Variants in CFHR5 observed in about 807,000 individuals in gnomAD.
CFHR5 encodes the protein complement factor H-related protein 5.
In CFHR5, 73 loss-of-function variants were observed where a neutral mutation model predicts 62.9. The observed-to-expected ratio is 1.16, with a 90% CI of 0.96 to 1.41. The LOEUF (loss-of-function observed/expected upper bound fraction) is 1.41. CFHR5 is among the 40% of genes most tolerant of loss of function. CFHR5 has a pLI of 0.00. For missense variants in CFHR5, 779 were observed against 679.9 expected, an observed-to-expected ratio of 1.15 and a Z score of -1.62; for synonymous variants, 249 against 227.2, an observed-to-expected ratio of 1.10 and a Z score of -0.86.
At chr1:197,004,450 C>T (rs573614394) in intron 8 of CFHR5, among the ~76,000 whole-genome samples, 21 of 152,098 alleles carry the variant, frequency 1.4e-4, no homozygotes, top group Middle Eastern at 3.4e-3. Context: ...CTCCTGCCTT[C>T]AATAAAAAGT....
At position 196,995,726 on chromosome 1, in the gene CFHR5, G is replaced by T. The variant is rs777505173; in HGVS notation, c.617G>T (p.Arg206Leu). The change falls in exon 5 of 10, where the codon CGA (arginine) becomes CTA (leucine). Residue 206 changes from arginine to leucine, a missense_variant. Physicochemically the swap from Arg to Leu is moderately radical, Grantham distance 102. Coordinates refer to ENST00000256785, the MANE Select transcript of CFHR5 (RefSeq NM_030787.4). ...PNFPTCKGQV[R>L]SCGPPPQLSN... ...GGTTTCTTTATAATAGGACAAGTAC[G>T]ATCATGTGGTCCACCTCCTCAACTC... 1.9e-6 allele frequency: 3 copies of T among 1,612,370 alleles called. No homozygotes were observed. The East Asian group carries it at 6.7e-5, about 36-fold the overall frequency.
intron 3 of CFHR5, among the ~76,000 whole-genome samples, 200 bp downstream of exon 3, chr1:196,984,337 A>G (rs906143619): frequency 2.6e-5 from 4 of 152,206 alleles, no homozygotes; most frequent in Admixed American, 1.3e-4. Context: ...CGTAATAAGA[A>G]GAAATATTAG....
In CFHR5 at chr1:197,009,518, A is replaced by G. The variant is rs945062453; in HGVS notation, c.*835A>G. 1.3e-5 allele frequency: 2 copies of G among 152,188 alleles called. No homozygotes were observed. Among genetic ancestry groups the G allele is most frequent in the Non-Finnish European group, 2.9e-5 (2 of 68,036 alleles). The allele number at this position is 152,188 out of a possible 1,614,324, so 9.4% of individuals were successfully genotyped here. On this transcript the variant is annotated 3_prime_UTR_variant, in exon 10 of 10. Coordinates refer to ENST00000256785, the MANE Select transcript of CFHR5 (RefSeq NM_030787.4). ...AAATGTAGATGTTATTTTAGTCTCT[A>G]TCTTCATGTTATTATCACTTAAAAA...
At chr1:196,999,393 A>G (rs926781052) in intron 7 of CFHR5, among the ~76,000 whole-genome samples, 1 of 151,688 alleles carries the variant, frequency 6.6e-6, no homozygotes, top group African/African-American at 2.4e-5. Flanking sequence ...TTGGCCAGTC[A>G]TTCTGCCCAA....
chr1:196,990,676 T>G (rs950154770), intron 3 of CFHR5, among the ~76,000 whole-genome samples: 1 of 152,204 alleles, frequency 6.6e-6, no homozygotes. Context: ...AATTCTTGTC[T>G]TTAGGAATGT....
intron 7 of CFHR5, among the ~76,000 whole-genome samples, chr1:197,001,373 G>A (rs1654148881): frequency 6.6e-6 from 1 of 151,714 alleles, no homozygotes; most frequent in African/African-American, 2.4e-5. Context: ...CTGACCTCAG[G>A]TTCTGTTCAA....
At chr1:197,000,532 T>A (rs767062618) in intron 7 of CFHR5, among the ~76,000 whole-genome samples, 1 of 152,190 alleles carries the variant, frequency 6.6e-6, no homozygotes. Context: ...CAATAGTATA[T>A]GTGTGATATT....
At chr1:197,000,141 G>T (rs1442064093) in intron 7 of CFHR5, among the ~76,000 whole-genome samples, 2 of 151,902 alleles carry the variant, frequency 1.3e-5, no homozygotes, top group African/African-American at 2.4e-5. Flanking sequence ...CAAGCATAAA[G>T]AGAAGGAAAA....
At chr1:196,983,145 G>A in intron 2 of CFHR5, 66 bp downstream of exon 2, 1 of 1,601,726 alleles carries the variant, frequency 6.2e-7, no homozygotes. Context: ...TGCCGGACAA[G>A]ATCATAAGGT....
chr1:196,995,683 C>G, intron 4 of CFHR5, 34 bp from the exon 5 acceptor site: 1 of 1,566,028 alleles, frequency 6.4e-7, no homozygotes, highest in Non-Finnish European at 8.8e-7. Flanking sequence ...CTTATAAGAC[C>G]ATTTAAGCAT....
chr1:196,979,998 T>C (rs2125025131), intron 1 of CFHR5, among the ~76,000 whole-genome samples: 1 of 152,150 alleles, frequency 6.6e-6, no homozygotes, highest in South Asian at 2.1e-4. Flanking sequence ...TTCTGTAAGA[T>C]TTTTATCTTT....
chr1:196,976,920 T>G (rs146690273), upstream of CFHR5, among the ~76,000 whole-genome samples: 17,913 of 148,380 alleles, frequency 0.12, 1,331 homozygotes, highest in Middle Eastern at 0.19. Context: ...TTCTCCTGCC[T>G]CAGCCTCCCG....
chr1:196,975,523 T>C (rs527385602), upstream of CFHR5, among the ~76,000 whole-genome samples: 1 of 152,242 alleles, frequency 6.6e-6, no homozygotes, highest in Admixed American at 6.5e-5. Flanking sequence ...CATAACAAGA[T>C]AGGAGTAAAG....
Position 197,008,752 on chromosome 1 carries a change from C to A in CFHR5, c.*69C>A. 1 of 1,251,974 alleles carries A rather than the reference C, an allele frequency of 8.0e-7. No homozygotes were observed. Among genetic ancestry groups the A allele is most frequent in the Non-Finnish European group, 1.2e-6 (1 of 853,242 alleles). 77.6% of individuals were successfully genotyped at this position (1,251,974 alleles called of 1,614,324 possible). A position where few individuals can be genotyped will look rare whatever the true frequency, so the allele number is the denominator to read the frequency against. ...ATGCTAAAAGTAGCCATTATGTAGC[C>A]AATTCTGTAGTTACTTCTTTTATTC... On this transcript the variant is annotated 3_prime_UTR_variant, in exon 10 of 10. Transcript: ENST00000256785.
In CFHR5 at chr1:196,982,945, A is replaced by G. The variant is rs1423889185; in HGVS notation, c.119A>G (p.Asn40Ser). Residue 40 changes from asparagine (N) to serine (S), a missense_variant, in exon 2 of 10, where the codon AAC (asparagine) becomes AGC (serine). Asn to Ser is a conservative substitution (Grantham distance 46). Transcript: ENST00000256785. ...TTTCTGTATGATGAAGAAGATTATA[A>G]CCCTTTTTCCCAAGTTCCTACAGGG... is the stretch of plus-strand genomic sequence containing the variant. ...HGFLYDEEDY[N>S]PFSQVPTGEV... 3 of 1,614,092 alleles carry G rather than the reference A, an allele frequency of 1.9e-6. No individual in the cohort carries two copies. In the Admixed American group the frequency reaches 5.0e-5, roughly 27 times the overall value.
chr1:196,989,327 G>C (rs892320799), intron 3 of CFHR5, among the ~76,000 whole-genome samples: 10 of 151,992 alleles, frequency 6.6e-5, no homozygotes, highest in African/African-American at 2.4e-4. Flanking sequence ...CCAGCTCCTG[G>C]ATTCATTGAT....
intron 3 of CFHR5, among the ~76,000 whole-genome samples, chr1:196,993,701 G>GA (rs937378350): frequency 1.3e-5 from 2 of 151,692 alleles, no homozygotes; most frequent in African/African-American, 4.8e-5. Flanking sequence ...GATTTAGTGA[G>GA]AAAAAAATAT....
rs1653457405 is a variant in CFHR5 at position 196,978,599 on chromosome 1, A to G, written c.58+877A>G. 1.3e-5 allele frequency among the ~76,000 whole-genome samples: 2 copies of G among 152,198 alleles called. 1 individual carries two copies. Among genetic ancestry groups the G allele is most frequent in the South Asian group, 4.2e-4 (2 of 4,814 alleles). On this transcript the variant is annotated intron_variant, in intron 1 of 9. Transcript: ENST00000256785. The stretch of plus-strand genomic sequence containing the variant: ...AGTCCTGACATAAGAGAAAAATATG[A>G]ACCATAAAATGCTTTCTTTTTAAGA...
chr1:197,005,350 A>G (rs1324572714), intron 9 of CFHR5, among the ~76,000 whole-genome samples: 1 of 152,140 alleles, frequency 6.6e-6, no homozygotes, highest in East Asian at 1.9e-4. Context: ...AGAGTTACTG[A>G]GCCACTTTCT....
Sources: gnomAD v4.1 joint callset for allele counts (sites outside exome capture counted in the v4.1 genomes callset) on GRCh38, gnomAD v4.1.1 for gene constraint, MANE v1.5 for transcripts, NCBI Gene and HGNC (gene_info 2026-07-23, HGNC 2026-07-21) for gene names.